MAN2B1: variants seen among roughly 807,000 people sequenced by gnomAD.
MAN2B1 encodes the protein lysosomal alpha-mannosidase.
MAN2B1 carries 99 observed loss-of-function variants against 127.5 expected under a neutral mutation model. That is an observed-to-expected ratio of 0.78 (90% confidence interval 0.66 to 0.92). MAN2B1 has a LOEUF of 0.92. Among genes scored for constraint, MAN2B1 ranks in the 40% least tolerant of loss-of-function variants. The pLI is 0.00. For missense variants in MAN2B1, 1,304 were observed against 1,384.8 expected (o/e 0.94, Z 0.93); for synonymous variants, 573 against 568.8 (o/e 1.01, Z -0.11).
In MAN2B1 at chr19:12,649,403, G is replaced by A. The variant is rs1465350224; in HGVS notation, c.2293C>T (p.Leu765=). 2 of 1,610,970 alleles carry A rather than the reference G, an allele frequency of 1.2e-6. No homozygotes were observed. The highest frequency in any genetic ancestry group is 1.7e-6 in the Non-Finnish European group (2 of 1,178,720). ...CCTGCCACGGGCTCCGTCTGGTTCA[G>A]TTTCCAGGTGGGTCGATAATCCCGC... ...RRRDYRPTWK[L]NQTEPVAGNY... is the part of the protein sequence containing the mutation. The change falls in exon 19 of 24, where the codon CTG becomes TTG. Residue 765 remains leucine (L), a synonymous_variant. Coordinates refer to ENST00000456935, the MANE Select transcript of MAN2B1 (RefSeq NM_000528.4).
Position 12,652,448 on chromosome 19 carries a change from T to C in MAN2B1, c.1843A>G (p.Thr615Ala). 1 of 1,614,086 alleles carries C rather than the reference T, an allele frequency of 6.2e-7. No individual in the cohort carries two copies. The highest frequency in any genetic ancestry group is 8.5e-7 in the Non-Finnish European group (1 of 1,179,942). ...LTIENEHIRA[T>A]FDPDTGLLME... ...AACAGCCCTGTGTCAGGATCAAACG[T>C]TGCCCGGATGTGCTGGGCAGAAAAG... The change falls in exon 15 of 24, where the codon ACG (threonine) becomes GCG (alanine). Residue 615 changes from threonine (T) to alanine (A), a missense_variant. Coordinates refer to ENST00000456935, the MANE Select transcript of MAN2B1 (RefSeq NM_000528.4).
intron 5 of MAN2B1, 89 bp downstream of exon 5, chr19:12,663,614 A>C (rs1014626096): frequency 3.9e-6 from 6 of 1,543,458 alleles, no homozygotes; most frequent in Non-Finnish European, 4.4e-6. Flanking sequence ...TAGGAATTCC[A>C]GGACAGTGAC....
At chr19:12,664,123 G>T (rs922953146) in intron 4 of MAN2B1, among the ~76,000 whole-genome samples, 1 of 152,134 alleles carries the variant, frequency 6.6e-6, no homozygotes, top group African/African-American at 2.4e-5. Flanking sequence ...CTACTAGGGG[G>T]GCTGAGACAG....
intron 16 of MAN2B1, among the ~76,000 whole-genome samples, 183 bp from the exon 17 acceptor site, chr19:12,650,405 C>T (rs1432552627): frequency 2.7e-5 from 4 of 147,510 alleles, no homozygotes; most frequent in African/African-American, 1.0e-4. Flanking sequence ...TTTGCCCAGG[C>T]GGGAGTGCAG....
intron 6 of MAN2B1, among the ~76,000 whole-genome samples, 173 bp downstream of exon 6, chr19:12,663,144 G>A (rs961932679): frequency 6.6e-6 from 1 of 151,748 alleles, no homozygotes; most frequent in East Asian, 1.9e-4. Flanking sequence ...AACCCAGGAG[G>A]CAGAGGTTGC....
In MAN2B1 at chr19:12,646,732, C is replaced by A. The variant is rs755046385; in HGVS notation, c.2924G>T (p.Gly975Val). The A allele has an allele frequency of 6.2e-7, 1 of 1,608,052 alleles. No homozygotes were observed. Among genetic ancestry groups the A allele is most frequent in the Middle Eastern group, 1.7e-4 (1 of 6,046 alleles). ...GTACGGAGTTTGGTGGGGTGTGGGG[C>A]CTGGAGAGGTGCAGGGGGAAGGAGG... ...ASRLKWTTNT[G>V]PTPHQTPYQL... The change falls in exon 24 of 24, where the codon GGC becomes GTC. Residue 975 changes from glycine to valine, a missense_variant and splice_region_variant. Transcript: ENST00000456935.
chr19:12,663,031 C>T (rs189760591), intron 6 of MAN2B1, among the ~76,000 whole-genome samples: 3 of 151,698 alleles, frequency 2.0e-5, no homozygotes, highest in Non-Finnish European at 4.4e-5. Context: ...TTTGGGAGGC[C>T]GAGGCAAGCA....
Position 12,658,505 on chromosome 19 carries a change from T to G in MAN2B1, c.1032A>C (p.Ala344=), listed in dbSNP as rs1386894008. The G allele has an allele frequency of 6.2e-7, 1 of 1,614,142 alleles. No homozygotes were observed. Among genetic ancestry groups the G allele is most frequent in the South Asian group, 1.1e-5 (1 of 91,068 alleles). The change falls in exon 8 of 24, where the codon GCA becomes GCC. Residue 344 remains alanine (A), a synonymous_variant. Coordinates refer to ENST00000456935, the MANE Select transcript of MAN2B1 (RefSeq NM_000528.4). ...KLIRLVNAQQ[A]KGSSVHVLYS... is the part of the protein sequence containing the mutation. ...AGAGAACATGGACACTGCTTCCTTTTGCCTGCTGCTGGGGGAGGCGACGGA... is the reference window on the plus strand; with the variant it reads ...AGAGAACATGGACACTGCTTCCTTTGGCCTGCTGCTGGGGGAGGCGACGGA...
rs530808306 is a variant in MAN2B1 at position 12,659,876 on chromosome 19, C to A, written c.1027-1366G>T. Among the ~76,000 whole-genome samples, 6 of 151,620 alleles carry A rather than the reference C, an allele frequency of 4.0e-5. No homozygotes were observed. In the East Asian group the frequency reaches 9.7e-4, roughly 24 times the overall value. On this transcript the variant is annotated intron_variant, in intron 7 of 23. Transcript: ENST00000456935. The stretch of plus-strand genomic sequence containing the variant: ...AGAAAAAATAAATAAAAATAAATGA[C>A]ATAAAAGAGCTGTTTTGGTGAAATA...
chr19:12,656,150 G>T, intron 13 of MAN2B1: 2 of 469,730 alleles, frequency 4.3e-6, no homozygotes, highest in Admixed American at 3.8e-5. Flanking sequence ...AGGTTCTCGG[G>T]GGAGGAAGAG....
In MAN2B1 at chr19:12,666,550, C is replaced by A; in HGVS notation, c.152G>T (p.Gly51Val). The change falls in exon 1 of 24, where the codon GGA (glycine) becomes GTA (valine). Residue 51 changes from glycine to valine, a missense_variant. Coordinates refer to ENST00000456935, the MANE Select transcript of MAN2B1 (RefSeq NM_000528.4). ...LLAAAGARAG[G>V]YETCPTVQPN... ...CTCGGAGGCCCCACTCACCTCGTAT[C>A]CCCCGGCCCGAGCACCGGCAGCCGC... is the stretch of plus-strand genomic sequence containing the variant. 6.3e-7 allele frequency: 1 copy of A among 1,584,228 alleles called. No homozygotes were observed.
intron 10 of MAN2B1, 77 bp from the exon 11 acceptor site, chr19:12,657,632 C>T: frequency 7.8e-7 from 1 of 1,279,384 alleles, no homozygotes; most frequent in Non-Finnish European, 1.1e-6. Flanking sequence ...AGGTCCGGTG[C>T]TGGCGGGCAG....
In MAN2B1 at chr19:12,647,391, C is replaced by G; in HGVS notation, c.2820+52G>C. The G allele has an allele frequency of 6.2e-7, 1 of 1,612,232 alleles. No homozygotes were observed. The highest frequency in any genetic ancestry group is 8.5e-7 in the Non-Finnish European group (1 of 1,178,240). The stretch of plus-strand genomic sequence containing the variant: ...TGGGGCAAAGCCAGGTTTCTCTTCT[C>G]TCCCTCTCTCTTGCCTCTCTCCGAT... On this transcript the variant is annotated intron_variant, in intron 22 of 23. Transcript: ENST00000456935. The surrounding 1 kb of genome is among the most constrained non-coding windows in gnomAD (Gnocchi z 4.9).
chr19:12,661,865 GAC>G (rs2024113059), intron 6 of MAN2B1, among the ~76,000 whole-genome samples: 1 of 150,120 alleles, frequency 6.7e-6, no homozygotes, highest in Admixed American at 6.6e-5. Flanking sequence ...TTTTTTTTGA[GAC>G]AGAGTTTCAC....
chr19:12,656,714 A>G (rs1310135776), intron 12 of MAN2B1, 27 bp from the exon 13 acceptor site: 17 of 1,504,240 alleles, frequency 1.1e-5, no homozygotes, highest in Non-Finnish European at 1.4e-5. Flanking sequence ...CAGAGAGGGC[A>G]TGGGTCACAG....
intron 20 of MAN2B1, among the ~76,000 whole-genome samples, chr19:12,648,811 A>G (rs1213525358): frequency 6.6e-6 from 1 of 152,148 alleles, no homozygotes; most frequent in Non-Finnish European, 1.5e-5. Flanking sequence ...CCTGGCCAAC[A>G]TGGTGAAACC....
intron 11 of MAN2B1, 156 bp from the exon 12 acceptor site, chr19:12,657,212 C>A: frequency 1.4e-6 from 1 of 709,936 alleles, no homozygotes; most frequent in Admixed American, 2.0e-5. Context: ...TGACTATACC[C>A]CATAGCTGTC....
rs1462702107 is a variant in MAN2B1, at chr19:12,647,860, C to T, written c.2665-262G>A. ...TGAGACTTTGGGAGTTACGGCGGGG[C>T]TGAAGCCGCGGGGCTGGGTGAGGCA... On this transcript the variant is annotated intron_variant, in intron 21 of 23. Coordinates refer to ENST00000456935, the MANE Select transcript of MAN2B1 (RefSeq NM_000528.4). The surrounding 1 kb of genome is among the most constrained non-coding windows in gnomAD (Gnocchi z 4.9). Among the ~76,000 whole-genome samples, 2 of 146,792 alleles carry T rather than the reference C, an allele frequency of 1.4e-5. No homozygotes were observed. Among genetic ancestry groups the T allele is most frequent in the Non-Finnish European group, 3.0e-5 (2 of 66,806 alleles).
chr19:12,666,663 G>C lies in MAN2B1; in HGVS notation c.39C>G (p.Arg13=), dbSNP rs537304777. Residue 13 remains arginine (R), a synonymous_variant, in exon 1 of 24, where the codon CGC becomes CGG. Transcript: ENST00000456935. ...AYARASGVCA[R]GCLDSAGPWT... ...AGGGGCCTGCTGAGTCCAGGCAGCC[G>C]CGAGCGCAGACCCCCGAAGCCCGCG... 1 of 1,552,396 alleles carries C rather than the reference G, an allele frequency of 6.4e-7. No individual in the cohort carries two copies. The highest frequency in any genetic ancestry group is 1.2e-5 in the South Asian group (1 of 84,382).
Sources: allele counts gnomAD v4.1 joint callset (sites outside exome capture counted in the v4.1 genomes callset), GRCh38; gene constraint gnomAD v4.1.1; non-coding constraint Gnocchi (gnomAD v3.1); transcripts MANE v1.5; gene names NCBI Gene and HGNC (gene_info 2026-07-23, HGNC 2026-07-21).